KCND2: variants seen among roughly 807,000 people sequenced by gnomAD.
KCND2 encodes the protein A-type voltage-gated potassium channel KCND2.
A neutral mutation model predicts 54.4 loss-of-function variants in KCND2; 16 were observed. The ratio of observed to expected loss-of-function variants is 0.29; its 90% CI spans 0.20 to 0.45. KCND2 has a LOEUF of 0.45. KCND2 is among the 20% of genes least tolerant of loss of function. The pLI, the probability that KCND2 is intolerant of heterozygous loss-of-function variation, is 1.00. For missense variants in KCND2, 486 were observed against 824.2 expected, an observed-to-expected ratio of 0.59 and a Z score of 5.02; for synonymous variants, 317 against 310.7, an observed-to-expected ratio of 1.02 and a Z score of -0.21.
intron 3 of KCND2, chr7:120,742,267 A>T: frequency 2.1e-6 from 1 of 478,552 alleles, no homozygotes; most frequent in Non-Finnish European, 3.8e-6. Context: ...TAGTTGAATG[A>T]GTAAAAGAGA....
chr7:120,535,503 T>C (rs115204725), intron 1 of KCND2, among the ~76,000 whole-genome samples: 1,818 of 152,188 alleles, frequency 0.012, 33 homozygotes, highest in African/African-American at 0.041. Context: ...AATTTTTATG[T>C]TTATAAAGGA....
At chr7:120,396,668 T>A (rs185904780) in intron 1 of KCND2, among the ~76,000 whole-genome samples, 143 of 151,776 alleles carry the variant, frequency 9.4e-4, no homozygotes, top group South Asian at 1.7e-3. Context: ...TTTAAATGTG[T>A]GTGTGTGTGT....
chr7:120,309,007 G>A (rs1222556721), intron 1 of KCND2, among the ~76,000 whole-genome samples: 3 of 152,092 alleles, frequency 2.0e-5, no homozygotes, highest in African/African-American at 7.2e-5. Context: ...TTTAAGAAAT[G>A]GCCTGGGAAA....
intron 1 of KCND2, among the ~76,000 whole-genome samples, chr7:120,310,073 C>T (rs1799714984): frequency 6.6e-6 from 1 of 152,172 alleles, no homozygotes; most frequent in Non-Finnish European, 1.5e-5. Flanking sequence ...TCCATGCTTG[C>T]AGAACACCTC....
intron 1 of KCND2, among the ~76,000 whole-genome samples, chr7:120,667,058 A>G (rs1025304415): frequency 3.3e-5 from 5 of 152,044 alleles, no homozygotes; most frequent in Non-Finnish European, 5.9e-5. Context: ...CTTCATAAGA[A>G]GGAAGTACAT....
At chr7:120,397,993 GTGTATA>G (rs1275647866) in intron 1 of KCND2, among the ~76,000 whole-genome samples, 132 of 39,948 alleles carry the variant, frequency 3.3e-3, no homozygotes, top group African/African-American at 5.5e-3. Context: ...GTGTGTGTGT[GTGTATA>G]TATATATATA....
At chr7:120,394,020 C>T (rs1801115444) in intron 1 of KCND2, among the ~76,000 whole-genome samples, 1 of 151,778 alleles carries the variant, frequency 6.6e-6, no homozygotes, top group Non-Finnish European at 1.5e-5. Context: ...ATGTATGTAC[C>T]ATAATGAATT....
At chr7:120,317,856 T>C (rs1231223913) in intron 1 of KCND2, among the ~76,000 whole-genome samples, 2 of 152,188 alleles carry the variant, frequency 1.3e-5, no homozygotes, top group Non-Finnish European at 1.5e-5. Flanking sequence ...AATCAATCAG[T>C]TGGAGAGAAT....
chr7:120,523,273 A>G (rs1584812313), intron 1 of KCND2, among the ~76,000 whole-genome samples: 1 of 152,120 alleles, frequency 6.6e-6, no homozygotes, highest in East Asian at 1.9e-4. Flanking sequence ...CCCTCCACAA[A>G]AATAATTTTA....
At chr7:120,653,202 T>C (rs990748260) in intron 1 of KCND2, among the ~76,000 whole-genome samples, 34 of 87,990 alleles carry the variant, frequency 3.9e-4, no homozygotes, top group African/African-American at 2.0e-3. Flanking sequence ...CCTGGCTACA[T>C]TTTTTTTTTT....
intron 1 of KCND2, among the ~76,000 whole-genome samples, chr7:120,619,600 A>C (rs906857980): frequency 6.6e-6 from 1 of 152,238 alleles, no homozygotes; most frequent in Non-Finnish European, 1.5e-5. Context: ...AGGTAAAAGG[A>C]AACAGTTCAC....
chr7:120,684,553 G>A (rs1323957956), intron 1 of KCND2, among the ~76,000 whole-genome samples: 1 of 152,130 alleles, frequency 6.6e-6, no homozygotes, highest in Admixed American at 6.6e-5. Context: ...AGCGTCTCTA[G>A]GTAGTTACTT....
intron 1 of KCND2, among the ~76,000 whole-genome samples, chr7:120,378,915 A>G (rs746123899): frequency 2.3e-4 from 35 of 152,106 alleles, no homozygotes; most frequent in Non-Finnish European, 4.0e-4. Context: ...CTTCTACTTT[A>G]ATCTATGCTG....
At chr7:120,401,094 A>G (rs1478188151) in intron 1 of KCND2, among the ~76,000 whole-genome samples, 1 of 152,142 alleles carries the variant, frequency 6.6e-6, no homozygotes, top group African/African-American at 2.4e-5. Context: ...TGGACAGATT[A>G]CAGGACAGCC....
chr7:120,728,315 G>A (rs1792762491), intron 1 of KCND2, among the ~76,000 whole-genome samples: 2 of 146,918 alleles, frequency 1.4e-5, no homozygotes. Flanking sequence ...TTTTGAGATG[G>A]AGTCTCGCTC....
chr7:120,278,178 A>G (rs1056279037), intron 1 of KCND2, among the ~76,000 whole-genome samples: 2 of 151,946 alleles, frequency 1.3e-5, no homozygotes, highest in African/African-American at 2.4e-5. Context: ...AAAATGTATT[A>G]TGTATTGTAC....
intron 1 of KCND2, among the ~76,000 whole-genome samples, chr7:120,638,095 CA>C (rs1793328707): frequency 6.6e-6 from 1 of 152,024 alleles, no homozygotes; most frequent in Non-Finnish European, 1.5e-5. Flanking sequence ...AAGGTTGGAG[CA>C]AAAAGTTTCA....
At chr7:120,487,277 A>G (rs189871769) in intron 1 of KCND2, among the ~76,000 whole-genome samples, 26 of 152,320 alleles carry the variant, frequency 1.7e-4, no homozygotes, top group Admixed American at 1.4e-3. Context: ...AGGACAAGCA[A>G]CAATTTAGCT....
At chr7:120,351,266 A>ATC (rs1800397681) in intron 1 of KCND2, among the ~76,000 whole-genome samples, 2 of 145,304 alleles carry the variant, frequency 1.4e-5, no homozygotes, top group African/African-American at 5.1e-5. Flanking sequence ...ATATATATAT[A>ATC]TCCAGTATAT....
Sources: allele counts gnomAD v4.1 joint callset (sites outside exome capture counted in the v4.1 genomes callset), GRCh38; gene constraint gnomAD v4.1.1; transcripts MANE v1.5; gene names NCBI Gene and HGNC (gene_info 2026-07-23, HGNC 2026-07-21).